Variants in PLCXD3 observed in about 807,000 individuals in gnomAD.
The protein encoded by PLCXD3 is phosphatidylinositol specific phospholipase C X domain containing 3, also known as PI-PLC X domain-containing protein 3.
PLCXD3 carries 19 observed loss-of-function variants against 25.5 expected under a neutral mutation model. That is an observed-to-expected ratio of 0.75 (90% CI 0.52 to 1.09). PLCXD3 has a LOEUF of 1.09. PLCXD3 is among the 50% of genes least tolerant of loss of function. The pLI, the probability that PLCXD3 is intolerant of heterozygous loss-of-function variation, is 0.00. For missense variants in PLCXD3, 411 were observed against 388.1 expected, an observed-to-expected ratio of 1.06 and a Z score of -0.50; for synonymous variants, 174 against 137.6, an observed-to-expected ratio of 1.26 and a Z score of -1.85.
At chr5:41,326,518 C>G (rs1485435980) in intron 2 of PLCXD3, among the ~76,000 whole-genome samples, 1 of 152,126 alleles carries the variant, frequency 6.6e-6, no homozygotes, top group Non-Finnish European at 1.5e-5. Context: ...ACTTCCTGTT[C>G]ATTTGTTCTC....
intron 2 of PLCXD3, among the ~76,000 whole-genome samples, chr5:41,350,452 T>A (rs1210268897): frequency 6.6e-6 from 1 of 152,196 alleles, no homozygotes; most frequent in Non-Finnish European, 1.5e-5. Context: ...GGATATTAGG[T>A]TCTATTCCCA....
chr5:41,452,427 C>T (rs1580380242), intron 1 of PLCXD3, among the ~76,000 whole-genome samples: 1 of 151,938 alleles, frequency 6.6e-6, no homozygotes, highest in Non-Finnish European at 1.5e-5. Context: ...GGCTTTCATC[C>T]AGGGAAGCCC....
chr5:41,510,128 G>A (rs1204804483), intron 1 of PLCXD3, among the ~76,000 whole-genome samples: 3 of 152,008 alleles, frequency 2.0e-5, no homozygotes, highest in Non-Finnish European at 4.4e-5. Flanking sequence ...GGGGTCACGA[G>A]GCACCATCCT....
At chr5:41,440,958 C>T (rs1020707560) in intron 1 of PLCXD3, among the ~76,000 whole-genome samples, 7 of 152,162 alleles carry the variant, frequency 4.6e-5, no homozygotes, top group Non-Finnish European at 8.8e-5. Flanking sequence ...CTAGGAGTCT[C>T]GGAAAGTTAG....
rs188550481 is a variant in PLCXD3, at chr5:41,496,770, G to T, written c.103+13654C>A. On this transcript the variant is annotated intron_variant, in intron 1 of 2. Transcript: ENST00000377801. ...GGTAACTATGTAACTTAATGGTAAA[G>T]ATAAATATAGAGATAAATACAGAAT... Among the ~76,000 whole-genome samples, 168 of 148,086 alleles carry T rather than the reference G, an allele frequency of 1.1e-3. 1 individual carries two copies. The Middle Eastern group carries it at 0.038, about 33-fold the overall frequency.
intron 1 of PLCXD3, among the ~76,000 whole-genome samples, chr5:41,452,214 C>G (rs1747649320): frequency 6.6e-6 from 1 of 152,046 alleles, no homozygotes; most frequent in Admixed American, 6.6e-5. Context: ...ATCAGACCAT[C>G]TTCTTTTCAT....
At chr5:41,382,806 C>A (rs904016414) in intron 1 of PLCXD3, among the ~76,000 whole-genome samples, 14 of 152,052 alleles carry the variant, frequency 9.2e-5, no homozygotes, top group African/African-American at 3.4e-4. Flanking sequence ...ATTCTGTGAA[C>A]CAAGAATGTA....
chr5:41,408,067 C>T (rs761285892), intron 1 of PLCXD3, among the ~76,000 whole-genome samples: 6 of 152,076 alleles, frequency 3.9e-5, no homozygotes, highest in Admixed American at 1.3e-4. Context: ...GAGCTGACAA[C>T]GAATCATTTA....
At position 41,350,698 on chromosome 5, in the gene PLCXD3, C is replaced by G. The variant is rs111509963; in HGVS notation, c.812+31128G>C. On this transcript the variant is annotated intron_variant, in intron 2 of 2. Transcript: ENST00000377801. ...TCAAGAAAAATTTCCCGAGTGTCCA[C>G]CTAGAAAATAGAGTATGGCAAAAGT... is the stretch of plus-strand genomic sequence containing the variant. Among the ~76,000 whole-genome samples, 3 of 152,162 alleles carry G rather than the reference C, an allele frequency of 2.0e-5. No homozygotes were observed. In the South Asian group the frequency reaches 6.2e-4, roughly 32 times the overall value.
intron 2 of PLCXD3, among the ~76,000 whole-genome samples, chr5:41,339,846 T>C (rs1744088101): frequency 6.6e-6 from 1 of 152,186 alleles, no homozygotes; most frequent in South Asian, 2.1e-4. Flanking sequence ...TGCTTCCTCA[T>C]AATAGATCAT....
intron 2 of PLCXD3, among the ~76,000 whole-genome samples, chr5:41,332,659 G>T (rs930614114): frequency 3.3e-5 from 5 of 151,968 alleles, no homozygotes; most frequent in Admixed American, 2.6e-4. Flanking sequence ...GTTTATTGCG[G>T]CACTATTCAC....
chr5:41,431,539 A>G (rs1446398018), intron 1 of PLCXD3, among the ~76,000 whole-genome samples: 1 of 152,214 alleles, frequency 6.6e-6, no homozygotes, highest in Admixed American at 6.5e-5. Flanking sequence ...AGAAATTATC[A>G]GCATGAATTG....
intron 2 of PLCXD3, among the ~76,000 whole-genome samples, chr5:41,355,312 G>C (rs1744586915): frequency 6.6e-6 from 1 of 152,188 alleles, no homozygotes; most frequent in Admixed American, 6.5e-5. Flanking sequence ...TCATAAAATG[G>C]ACAGAGCTAC....
chr5:41,450,516 T>C (rs571958108), intron 1 of PLCXD3, among the ~76,000 whole-genome samples: 1 of 152,236 alleles, frequency 6.6e-6, no homozygotes, highest in Non-Finnish European at 1.5e-5. Flanking sequence ...AGTTTACAAA[T>C]ACTTTACAAA....
At chr5:41,402,511 G>C (rs1029711350) in intron 1 of PLCXD3, among the ~76,000 whole-genome samples, 1 of 151,384 alleles carries the variant, frequency 6.6e-6, no homozygotes, top group African/African-American at 2.4e-5. Flanking sequence ...AATTTTTCAT[G>C]TGTGCTTTAA....
chr5:41,328,293 A>C lies in PLCXD3; in HGVS notation c.813-14523T>G, dbSNP rs557546665. Among the ~76,000 whole-genome samples, 13 of 152,260 alleles carry C rather than the reference A, an allele frequency of 8.5e-5. No homozygotes were observed. In the East Asian group the frequency reaches 2.5e-3, roughly 29 times the overall value. On this transcript the variant is annotated intron_variant, in intron 2 of 2. Transcript: ENST00000377801. ...ATAATCACTGAGTGACAGCCTGTCA[A>C]TTCACTGCTTCAGTAGGGGATTCTG...
At chr5:41,456,831 C>A (rs1207977363) in intron 1 of PLCXD3, among the ~76,000 whole-genome samples, 1 of 151,868 alleles carries the variant, frequency 6.6e-6, no homozygotes, top group Non-Finnish European at 1.5e-5. Context: ...TCTGCCAGCA[C>A]CTTGATCTAA....
At chr5:41,403,945 T>C (rs1226560498) in intron 1 of PLCXD3, among the ~76,000 whole-genome samples, 1 of 152,150 alleles carries the variant, frequency 6.6e-6, no homozygotes, top group East Asian at 1.9e-4. Context: ...AAATAAAACA[T>C]CTTGATAATT....
At chr5:41,462,498 T>C (rs539638526) in intron 1 of PLCXD3, among the ~76,000 whole-genome samples, 10 of 152,086 alleles carry the variant, frequency 6.6e-5, no homozygotes, top group Non-Finnish European at 1.3e-4. Context: ...ATAGGAGTAA[T>C]TACCTCATCT....
Sources: allele counts gnomAD v4.1 joint callset (sites outside exome capture counted in the v4.1 genomes callset), GRCh38; gene constraint gnomAD v4.1.1; transcripts MANE v1.5; gene names NCBI Gene and HGNC (gene_info 2026-07-23, HGNC 2026-07-21).